The following SUMF1 variants were observed in gnomAD, a reference collection of about 807,000 sequenced individuals.
The protein encoded by SUMF1 is sulfatase modifying factor 1, also known as formylglycine-generating enzyme.
In SUMF1, 48 loss-of-function variants were observed where a neutral mutation model predicts 47.6. The observed-to-expected ratio is 1.01, with a 90% CI of 0.80 to 1.28. The LOEUF (loss-of-function observed/expected upper bound fraction) is 1.28, where lower values mean the gene tolerates loss of function less well. SUMF1 is among the 50% of genes most tolerant of loss of function. The probability of loss-of-function intolerance (pLI) is 0.00; values close to 1 mark genes in which losing one functional copy is unlikely to be tolerated. For synonymous variants in SUMF1, 230 were observed against 192.1 expected, an observed-to-expected ratio of 1.20 and a Z score of -1.63; for missense variants, 571 against 485.4, an observed-to-expected ratio of 1.18 and a Z score of -1.66.
chr3:4,193,961 C>T (rs1311488976), intron 8 of SUMF1, among the ~76,000 whole-genome samples: 2 of 152,166 alleles, frequency 1.3e-5, no homozygotes, highest in East Asian at 3.9e-4. Flanking sequence ...TTGGAATAGG[C>T]CACAATACAG....
chr3:4,149,934 T>G (rs1403120745), intron 8 of SUMF1, among the ~76,000 whole-genome samples: 1 of 152,144 alleles, frequency 6.6e-6, no homozygotes, highest in Non-Finnish European at 1.5e-5. Flanking sequence ...TTATAACAGT[T>G]GATTTCATTT....
intron 3 of SUMF1, among the ~76,000 whole-genome samples, chr3:4,420,742 T>A (rs143614710): frequency 6.6e-6 from 1 of 151,894 alleles, no homozygotes; most frequent in Non-Finnish European, 1.5e-5. Flanking sequence ...TCCTCTATAA[T>A]CTCTAACAAG....
intron 8 of SUMF1, among the ~76,000 whole-genome samples, chr3:4,116,099 A>G (rs1365138867): frequency 1.3e-5 from 2 of 152,162 alleles, no homozygotes; most frequent in Non-Finnish European, 2.9e-5. Context: ...ACATATGTTT[A>G]TGAGGTAGAT....
At chr3:4,060,343 C>A (rs992589252) in intron 9 of SUMF1, among the ~76,000 whole-genome samples, 1 of 152,176 alleles carries the variant, frequency 6.6e-6, no homozygotes, top group African/African-American at 2.4e-5. Flanking sequence ...ACTAGGATTC[C>A]TGGTTTGGAA....
chr3:4,321,495 AAAAAG>A lies in SUMF1; in HGVS notation c.1014+54830_1014+54834del, dbSNP rs1350775742. ...TAAAAAAAAAAAAAAAAAAAAAAAG[AAAAAG>A]AAAGAAACCTACATTGATGGGGGTG... On this transcript the variant is annotated intron_variant and NMD_transcript_variant, in intron 8 of 12. Coordinates refer to the SUMF1 transcript ENST00000448413. Among the ~76,000 whole-genome samples the A allele has an allele frequency of 4.3e-3, 636 of 146,226 alleles. 2 individuals carry two copies. The highest frequency in any genetic ancestry group is 0.015 in the African/African-American group (584 of 38,812).
chr3:4,325,160 G>A (rs1289874249), intron 8 of SUMF1, among the ~76,000 whole-genome samples: 1 of 152,044 alleles, frequency 6.6e-6, no homozygotes. Flanking sequence ...TGGGAATTGT[G>A]GGTGCTAAAA....
At chr3:4,217,147 CAT>C (rs1035909150) in intron 8 of SUMF1, among the ~76,000 whole-genome samples, 3 of 151,956 alleles carry the variant, frequency 2.0e-5, no homozygotes, top group African/African-American at 7.3e-5. Flanking sequence ...GGATTAAAAA[CAT>C]GTGGCACATA....
In SUMF1 at chr3:4,125,199, A is replaced by C. The variant is rs925662401; in HGVS notation, c.1015-56454T>G. 6.6e-5 allele frequency among the ~76,000 whole-genome samples: 10 copies of C among 152,246 alleles called. No homozygotes were observed. The East Asian group carries it at 1.9e-3, about 29-fold the overall frequency. On this transcript the variant is annotated intron_variant and NMD_transcript_variant, in intron 8 of 12. Transcript: ENST00000448413. ...GCCACTAGCCACATGTGGATATTTA[A>C]ATTTAAAATAATTAAAAATAAAATA...
At position 4,404,557 on chromosome 3, in the gene SUMF1, A is replaced by C. The variant is rs558645199; in HGVS notation, c.954+6308T>G. 2.2e-4 allele frequency among the ~76,000 whole-genome samples: 33 copies of C among 152,176 alleles called. 1 individual carries two copies. Among genetic ancestry groups the C allele is most frequent in the Admixed American group, 1.3e-4 (2 of 15,278 alleles). ...TGAATCACCTGATGTCAGGAGTTCG[A>C]GACCAACCTGACCAACATGGCGAAA... On this transcript the variant is annotated intron_variant, in intron 7 of 8. Transcript: ENST00000272902.
At chr3:4,040,905 C>T (rs934911998) in intron 9 of SUMF1, among the ~76,000 whole-genome samples, 5 of 152,142 alleles carry the variant, frequency 3.3e-5, no homozygotes, top group African/African-American at 1.2e-4. Flanking sequence ...TTCCCCATAA[C>T]CAAAAGTGTT....
intron 8 of SUMF1, among the ~76,000 whole-genome samples, chr3:4,300,004 A>AT (rs1383503996): frequency 1.3e-5 from 2 of 152,114 alleles, no homozygotes; most frequent in African/African-American, 4.8e-5. Flanking sequence ...TAATTTGGAT[A>AT]TTTGTCCTCA....
intron 8 of SUMF1, among the ~76,000 whole-genome samples, chr3:4,130,659 T>G (rs1447167834): frequency 1.3e-5 from 2 of 152,120 alleles, no homozygotes; most frequent in Admixed American, 6.6e-5. Context: ...TGGGGCCTGT[T>G]GAGATATCCC....
chr3:4,228,847 G>C (rs1317782892), intron 8 of SUMF1, among the ~76,000 whole-genome samples: 1 of 152,050 alleles, frequency 6.6e-6, no homozygotes, highest in African/African-American at 2.4e-5. Flanking sequence ...CAGGCACCAA[G>C]AGGAGCCCCT....
chr3:4,214,267 G>C (rs1695866479), intron 8 of SUMF1, among the ~76,000 whole-genome samples: 1 of 152,068 alleles, frequency 6.6e-6, no homozygotes, highest in South Asian at 2.1e-4. Flanking sequence ...ACTCAAAACT[G>C]AACAACCACA....
chr3:4,166,293 G>T lies in SUMF1; in HGVS notation c.1015-97548C>A, dbSNP rs542818839. 4.6e-5 allele frequency among the ~76,000 whole-genome samples: 7 copies of T among 152,194 alleles called. No individual in the cohort carries two copies. In the South Asian group the frequency reaches 1.5e-3, roughly 32 times the overall value. ...AGCAGAGGACCATACCATGAGGGAG[G>T]GAAGGGATCTCCAGGGTTGGAGGAG... is the stretch of plus-strand genomic sequence containing the variant. On this transcript the variant is annotated intron_variant and NMD_transcript_variant, in intron 8 of 12. Transcript: ENST00000448413.
chr3:4,374,351 C>G (rs1362711475), intron 8 of SUMF1, among the ~76,000 whole-genome samples: 1 of 152,030 alleles, frequency 6.6e-6, no homozygotes, highest in Admixed American at 6.5e-5. Flanking sequence ...TCAAGATGAA[C>G]ATAAAAAATC....
rs978168634 is a variant in SUMF1, at chr3:4,071,079, T to A, written c.1015-2334A>T. The stretch of plus-strand genomic sequence containing the variant: ...GGAATAATACATATATATTTGTATA[T>A]ATATATGTAAGCTATGAAAAACAAG... On this transcript the variant is annotated intron_variant and NMD_transcript_variant, in intron 8 of 12. Transcript: ENST00000448413. 3.3e-5 allele frequency among the ~76,000 whole-genome samples: 5 copies of A among 152,144 alleles called. No homozygotes were observed. In the East Asian group the frequency reaches 9.6e-4, roughly 29 times the overall value.
intron 8 of SUMF1, among the ~76,000 whole-genome samples, chr3:4,204,878 G>T (rs942843294): frequency 4.0e-5 from 6 of 151,728 alleles, no homozygotes; most frequent in African/African-American, 1.2e-4. Flanking sequence ...ATAAAATTCA[G>T]AATTCCTTCT....
intron 8 of SUMF1, among the ~76,000 whole-genome samples, chr3:4,096,685 G>A (rs17039883): frequency 0.032 from 4,855 of 152,150 alleles, 272 homozygotes; most frequent in African/African-American, 0.11. Context: ...ATTAGGAGGA[G>A]ACATGAATCT....
Sources: allele counts gnomAD v4.1 joint callset (sites outside exome capture counted in the v4.1 genomes callset), GRCh38; gene constraint gnomAD v4.1.1; transcripts MANE v1.5; gene names NCBI Gene and HGNC (gene_info 2026-07-23, HGNC 2026-07-21).